CKAP5: variants seen among roughly 807,000 people sequenced by gnomAD.
CKAP5 encodes the protein cytoskeleton associated protein 5, also known as cytoskeleton-associated protein 5.
A neutral mutation model predicts 232.8 loss-of-function variants in CKAP5; 27 were observed. The ratio of observed to expected loss-of-function variants is 0.12; its 90% CI spans 0.09 to 0.16. CKAP5 has a LOEUF of 0.16. Among genes scored for constraint, CKAP5 ranks in the 10% least tolerant of loss-of-function variants. CKAP5 has a pLI of 1.00. For synonymous variants in CKAP5, 785 were observed against 841.1 expected, an observed-to-expected ratio of 0.93 and a Z score of 1.16; for missense variants, 1,838 against 2,424.7, an observed-to-expected ratio of 0.76 and a Z score of 5.08.
intron 3 of CKAP5, 108 bp downstream of exon 3, chr11:46,818,202 T>C (rs1939448409): frequency 1.3e-6 from 1 of 773,930 alleles, no homozygotes; most frequent in East Asian, 3.1e-5. Context: ...AGTAAGAAAA[T>C]TCATCTATTC....
Position 46,752,659 on chromosome 11 carries a change from G to A in CKAP5, c.5109C>T (p.Pro1703=). The change falls in exon 38 of 44, where the codon CCC becomes CCT. Residue 1703 remains proline, a synonymous_variant. Coordinates refer to ENST00000529230, the MANE Select transcript of CKAP5 (RefSeq NM_001008938.4). The part of the protein sequence containing the change: ...QDSLLATASS[P]KFSELVMKCL... ...CCTTCATAACAAGCTCTGAGAATTT[G>A]GGAGAACTGGCTGTTGCTAGCAGGC... is the stretch of plus-strand genomic sequence containing the variant. The A allele has an allele frequency of 6.2e-7, 1 of 1,613,114 alleles. No homozygotes were observed. Among genetic ancestry groups the A allele is most frequent in the Non-Finnish European group, 8.5e-7 (1 of 1,179,400 alleles).
intron 6 of CKAP5, 104 bp from the exon 7 acceptor site, chr11:46,809,604 A>C (rs116456873): frequency 7.6e-7 from 1 of 1,316,432 alleles, no homozygotes; most frequent in African/African-American, 1.5e-5. Flanking sequence ...TAGAGAAGGG[A>C]CCAGAGTTAT....
intron 8 of CKAP5, among the ~76,000 whole-genome samples, chr11:46,804,652 C>T (rs891194518): frequency 6.6e-6 from 1 of 151,654 alleles, no homozygotes; most frequent in Admixed American, 6.6e-5. Flanking sequence ...CTAAAGCACA[C>T]CGTTGACAGA....
rs755030125 is a variant in CKAP5, at chr11:46,811,051, G to A, written c.586C>T (p.Arg196Trp). ...LIAVEIYRWIRDALRPPLQNI... is the reference protein window; with the variant it reads ...LIAVEIYRWIWDALRPPLQNI... The stretch of plus-strand genomic sequence containing the variant: ...TGTAATGGGGGTCTCAGAGCATCCC[G>A]AATCCATCTGTAAATCTCCACAGCA... The change falls in exon 5 of 44, where the codon CGG (arginine) becomes TGG (tryptophan). Residue 196 changes from arginine to tryptophan, a missense_variant. This residue lies in a region of CKAP5 where 285 missense variants were observed against 300.0 expected (regional missense o/e 0.95). Coordinates refer to ENST00000529230, the MANE Select transcript of CKAP5 (RefSeq NM_001008938.4). The A allele has an allele frequency of 2.5e-5, 41 of 1,613,890 alleles. No homozygotes were observed. Among genetic ancestry groups the A allele is most frequent in the Non-Finnish European group, 3.2e-5 (38 of 1,179,970 alleles).
At chr11:46,767,727 TTAAA>T in intron 26 of CKAP5, 64 bp from the exon 27 acceptor site, 3 of 982,084 alleles carry the variant, frequency 3.1e-6, no homozygotes. Flanking sequence ...TTTGGACAGG[TTAAA>T]TATATAATGA....
At position 46,811,022 on chromosome 11, in the gene CKAP5, A is replaced by G; in HGVS notation, c.615T>C (p.Asn205=). The part of the protein sequence containing the change: ...IRDALRPPLQ[N]INSVQLKELE... The stretch of plus-strand genomic sequence containing the variant: ...TTTGTCTCACCTGAACAGAGTTTAT[A>G]TTTTGTAATGGGGGTCTCAGAGCAT... Residue 205 remains asparagine (N), a synonymous_variant, in exon 5 of 44, where the codon AAT becomes AAC. Transcript: ENST00000529230. 2 of 1,612,316 alleles carry G rather than the reference A, an allele frequency of 1.2e-6. No individual in the cohort carries two copies. The highest frequency in any genetic ancestry group is 3.4e-5 in the Admixed American group (2 of 59,596).
At chr11:46,796,324 A>G (rs1276996365) in intron 12 of CKAP5, among the ~76,000 whole-genome samples, 1 of 152,192 alleles carries the variant, frequency 6.6e-6, no homozygotes. Context: ...ACTTAAAATG[A>G]CCACATTGTT....
rs539372513 is a variant in CKAP5 at position 46,761,357 on chromosome 11, T to C, written c.4222-573A>G. Among the ~76,000 whole-genome samples the C allele has an allele frequency of 4.6e-5, 7 of 152,260 alleles. No homozygotes were observed. The South Asian group carries it at 1.5e-3, about 32-fold the overall frequency. On this transcript the variant is annotated intron_variant, in intron 32 of 43. Coordinates refer to ENST00000529230, the MANE Select transcript of CKAP5 (RefSeq NM_001008938.4). Reference sequence around the variant, plus strand: ...TCCTCATTTTTTGTTTTGTCACCACTATCTAGCTGTGTGACTATGGGCAAG... The same window carrying C: ...TCCTCATTTTTTGTTTTGTCACCACCATCTAGCTGTGTGACTATGGGCAAG...
At chr11:46,759,214 T>C (rs560164730) in intron 34 of CKAP5, 55 bp downstream of exon 34, 6 of 1,556,180 alleles carry the variant, frequency 3.9e-6, no homozygotes, top group Non-Finnish European at 5.2e-6. Flanking sequence ...ACATTTCACG[T>C]AGGCCGTCTG....
intron 26 of CKAP5, among the ~76,000 whole-genome samples, chr11:46,768,865 G>C (rs756385665): frequency 6.2e-4 from 95 of 152,120 alleles, no homozygotes; most frequent in Non-Finnish European, 1.1e-3. Context: ...TTTTGTTTAA[G>C]CAGTAAGTCT....
intron 42 of CKAP5, among the ~76,000 whole-genome samples, chr11:46,748,743 C>T (rs949448425): frequency 1.1e-4 from 16 of 152,052 alleles, no homozygotes; most frequent in East Asian, 3.9e-4. Context: ...CACTCCAGCC[C>T]GAGCAACAGA....
chr11:46,769,367 A>T (rs2065229455), intron 26 of CKAP5, among the ~76,000 whole-genome samples: 1 of 152,210 alleles, frequency 6.6e-6, no homozygotes, highest in African/African-American at 2.4e-5. Flanking sequence ...AGGATGCAAC[A>T]CTTCAGAAAG....
intron 27 of CKAP5, 148 bp from the exon 28 acceptor site, chr11:46,765,404 T>G (rs760273394): frequency 1.4e-6 from 1 of 709,414 alleles, no homozygotes; most frequent in East Asian, 3.0e-5. Context: ...CACAGAATCT[T>G]GTATATGTTT....
chr11:46,805,341 T>G (rs187709481), intron 8 of CKAP5, among the ~76,000 whole-genome samples: 1 of 152,174 alleles, frequency 6.6e-6, no homozygotes, highest in African/African-American at 2.4e-5. Context: ...CAAAACAGTT[T>G]AAAAATAATT....
chr11:46,828,753 C>CA (rs1327566277), intron 1 of CKAP5, among the ~76,000 whole-genome samples: 5 of 151,608 alleles, frequency 3.3e-5, no homozygotes. Context: ...CTAACAGTCA[C>CA]AAAAAAAGTC....
chr11:46,788,265 C>G (rs1349710578), intron 16 of CKAP5, among the ~76,000 whole-genome samples: 1 of 152,210 alleles, frequency 6.6e-6, no homozygotes, highest in Non-Finnish European at 1.5e-5. Context: ...AATGCACACA[C>G]CCCATTGTTC....
At chr11:46,844,628 C>T (rs1000967814) in intron 1 of CKAP5, among the ~76,000 whole-genome samples, 6 of 152,082 alleles carry the variant, frequency 3.9e-5, no homozygotes, top group African/African-American at 1.2e-4. Context: ...CCTCAGTGAA[C>T]AGCCTTTTAA....
intron 1 of CKAP5, among the ~76,000 whole-genome samples, chr11:46,834,997 GGTCT>G (rs1410761118): frequency 6.6e-6 from 1 of 151,308 alleles, no homozygotes; most frequent in Non-Finnish European, 1.5e-5. Context: ...CTAGATATGA[GGTCT>G]GTCTATGTTG....
chr11:46,802,557 G>GACACACACACAC (rs1254439046), intron 8 of CKAP5, among the ~76,000 whole-genome samples: 108 of 147,524 alleles, frequency 7.3e-4, no homozygotes, highest in African/African-American at 1.8e-3. Context: ...CAGACAGACA[G>GACACACACACAC]ACACACACAC....
Sources: allele counts gnomAD v4.1 joint callset (sites outside exome capture counted in the v4.1 genomes callset), GRCh38; gene constraint gnomAD v4.1.1; regional missense constraint gnomAD v4.1.1; transcripts MANE v1.5; gene names NCBI Gene and HGNC (gene_info 2026-07-23, HGNC 2026-07-21).